The following RPS6KA3 variants were observed in gnomAD, a reference collection of about 807,000 sequenced individuals.
RPS6KA3 encodes ribosomal protein S6 kinase alpha-3.
RPS6KA3 carries 4 observed loss-of-function variants against 67.2 expected under a neutral mutation model. The observed-to-expected ratio is 0.06, with a 90% CI of 0.03 to 0.14. The LOEUF is 0.14. Ranked by LOEUF, RPS6KA3 falls within the 10% of genes least tolerant of loss-of-function variation. The pLI is 1.00. For synonymous variants in RPS6KA3, 182 were observed against 183.7 expected (o/e 0.99, Z 0.07); for missense variants, 204 against 559.0 (o/e 0.36, Z 6.40).
At chrX:20,238,362 T>C (rs1413378645) in intron 1 of RPS6KA3, among the ~76,000 whole-genome samples, 1 of 111,584 alleles carries the variant, frequency 9.0e-6, no homozygotes, top group Admixed American at 9.5e-5. Context: ...TCTGATTAAA[T>C]CCTTGTCTTG....
At chrX:20,179,516 C>A (rs746785534) in intron 10 of RPS6KA3, among the ~76,000 whole-genome samples, 1 of 111,038 alleles carries the variant, frequency 9.0e-6, no homozygotes, top group South Asian at 3.8e-4. Context: ...AAAATAATGA[C>A]TGCAATTGGC....
At position 20,156,090 on chromosome X, in the gene RPS6KA3, A is replaced by C; in HGVS notation, c.2100+19T>G. On this transcript the variant is annotated intron_variant, in intron 21 of 21. Transcript: ENST00000379565. Reference sequence around the variant, plus strand: ...CCTGGAGGACCTGTGGAAAACAGTGACTGTATGGGGCTGCTCACCTTTACT... The same window carrying C: ...CCTGGAGGACCTGTGGAAAACAGTGCCTGTATGGGGCTGCTCACCTTTACT... 1 of 1,209,209 alleles carries C rather than the reference A, an allele frequency of 8.3e-7. No individual in the cohort carries two copies. The highest frequency in any genetic ancestry group is 1.1e-6 in the Non-Finnish European group (1 of 893,675).
intron 1 of RPS6KA3, among the ~76,000 whole-genome samples, chrX:20,260,674 G>A (rs1422811970): frequency 1.8e-5 from 2 of 111,578 alleles, no homozygotes; most frequent in Admixed American, 1.9e-4. Flanking sequence ...TTCTTTAAGA[G>A]GGATGATTCA....
At chrX:20,183,333 A>G (rs1307355891) in intron 10 of RPS6KA3, among the ~76,000 whole-genome samples, 2 of 110,401 alleles carry the variant, frequency 1.8e-5, no homozygotes, top group African/African-American at 6.6e-5. Flanking sequence ...TCAGCCTCCC[A>G]AGTAGCTAGG....
chrX:20,186,492 G>C lies in RPS6KA3; in HGVS notation c.775-126C>G, dbSNP rs1373519813. 1.6e-4 allele frequency: 74 copies of C among 469,492 alleles called. 1 individual carries two copies. The Admixed American group carries it at 2.5e-3, about 16-fold the overall frequency. The allele number at this position is 469,492 out of a possible 1,213,427, so 38.7% of individuals were successfully genotyped here. A position where few individuals can be genotyped will look rare whatever the true frequency, so the allele number is the denominator to read the frequency against. ...ATATTCTAAAATTGCTACATAACAA[G>C]TGTTTTCTATTTCTACCATATTCGT... On this transcript the variant is annotated intron_variant, in intron 9 of 21. Coordinates refer to ENST00000379565, the MANE Select transcript of RPS6KA3 (RefSeq NM_004586.3).
chrX:20,222,025 T>C lies in RPS6KA3; in HGVS notation c.127-12621A>G, dbSNP rs975752085. On this transcript the variant is annotated intron_variant, in intron 2 of 21. Coordinates refer to ENST00000379565, the MANE Select transcript of RPS6KA3 (RefSeq NM_004586.3). ...GTCCATCTCTGTTTAAATATTATCT[T>C]CAACTGTGTTTGCCCACAATGGCTA... Among the ~76,000 whole-genome samples, 3 of 112,764 alleles carry C rather than the reference T, an allele frequency of 2.7e-5. No homozygotes were observed. In the Admixed American group the frequency reaches 2.8e-4, roughly 11 times the overall value.
intron 11 of RPS6KA3, 86 bp from the exon 12 acceptor site, chrX:20,176,584 A>C (rs757518902): frequency 3.7e-6 from 2 of 546,267 alleles, no homozygotes; most frequent in East Asian, 7.5e-5. Context: ...TTGTCTAATT[A>C]ATTAATTAAT....
chrX:20,169,018 A>G (rs2067508786), intron 16 of RPS6KA3, among the ~76,000 whole-genome samples: 1 of 111,263 alleles, frequency 9.0e-6, no homozygotes, highest in South Asian at 3.8e-4. Context: ...ATGTCAGGCT[A>G]ATTTTTAAAT....
At chrX:20,189,694 T>C (rs771390350) in intron 7 of RPS6KA3, among the ~76,000 whole-genome samples, 41 of 112,378 alleles carry the variant, frequency 3.6e-4, no homozygotes, top group Non-Finnish European at 7.1e-4. Flanking sequence ...AGGTATGGGA[T>C]CAAGCAATAA....
intron 2 of RPS6KA3, among the ~76,000 whole-genome samples, chrX:20,212,770 G>A (rs2068750087): frequency 9.0e-6 from 1 of 110,787 alleles, no homozygotes; most frequent in Non-Finnish European, 1.9e-5. Flanking sequence ...TCTCCCTTTG[G>A]TCCCTTCAGT....
At chrX:20,218,855 T>C (rs1482848394) in intron 2 of RPS6KA3, 1 of 1,194,368 alleles carries the variant, frequency 8.4e-7, no homozygotes, top group Non-Finnish European at 1.1e-6. Flanking sequence ...GAAACCATGA[T>C]GGTGATAAAA....
intron 1 of RPS6KA3, among the ~76,000 whole-genome samples, chrX:20,250,189 C>T (rs774497064): frequency 6.3e-5 from 7 of 110,875 alleles, no homozygotes; most frequent in Non-Finnish European, 5.7e-5. Flanking sequence ...TGGAAGGGTT[C>T]CTCCCATTTT....
At chrX:20,262,354 T>G (rs757015856) in intron 1 of RPS6KA3, among the ~76,000 whole-genome samples, 3 of 112,150 alleles carry the variant, frequency 2.7e-5, no homozygotes, top group Non-Finnish European at 5.6e-5. Flanking sequence ...ATTTAGCAAA[T>G]GTCAAGTCCT....
rs766266515 is a variant in RPS6KA3, at chrX:20,232,597, AAAAC to A, written c.126+2157_126+2160del. On this transcript the variant is annotated intron_variant, in intron 2 of 21. Coordinates refer to ENST00000379565, the MANE Select transcript of RPS6KA3 (RefSeq NM_004586.3). Reference sequence around the variant, plus strand: ...AAAAAACAAACAAACAAACAAACAAAAAACAAACAAACAAAAAACTTCCGTACAT... The same window carrying A: ...AAAAAACAAACAAACAAACAAACAAAAAACAAACAAAAAACTTCCGTACAT... 3.9e-3 allele frequency among the ~76,000 whole-genome samples: 439 copies of A among 111,318 alleles called. 10 individuals carry two copies. Among genetic ancestry groups the A allele is most frequent in the Admixed American group, 0.034 (352 of 10,504 alleles).
rs1227094794 is a variant in RPS6KA3 at position 20,153,986 on chromosome X, T to G, written c.*1412A>C. 8.9e-6 allele frequency: 1 copy of G among 112,415 alleles called. No individual in the cohort carries two copies. Among genetic ancestry groups the G allele is most frequent in the African/African-American group, 3.2e-5 (1 of 30,929 alleles). 9.3% of individuals were successfully genotyped at this position (112,415 alleles called of 1,213,427 possible). A position where few individuals can be genotyped will look rare whatever the true frequency, so the allele number is the denominator to read the frequency against. ...TTTCTTGCTCATATGTCTTTTACATTACATACTGATGTATGCTAGGCAGCT... is the reference window on the plus strand; with the variant it reads ...TTTCTTGCTCATATGTCTTTTACATGACATACTGATGTATGCTAGGCAGCT... On this transcript the variant is annotated 3_prime_UTR_variant, in exon 22 of 22. Transcript: ENST00000379565.
chrX:20,161,846 T>A, intron 19 of RPS6KA3, 85 bp from the exon 20 acceptor site: 1 of 250,637 alleles, frequency 4.0e-6, no homozygotes, highest in Non-Finnish European at 6.4e-6. Flanking sequence ...TCAGTTAATG[T>A]AATATTTTAT....
At chrX:20,245,264 G>A (rs993814844) in intron 1 of RPS6KA3, among the ~76,000 whole-genome samples, 1 of 111,840 alleles carries the variant, frequency 8.9e-6, no homozygotes, top group Non-Finnish European at 1.9e-5. Context: ...TTAGATTAAG[G>A]TTATTTAAAA....
chrX:20,225,987 A>G (rs770257618), intron 2 of RPS6KA3, among the ~76,000 whole-genome samples: 2 of 110,475 alleles, frequency 1.8e-5, no homozygotes, highest in Non-Finnish European at 3.8e-5. Context: ...GGAGTTTGAG[A>G]CCAGCCTGAC....
chrX:20,185,491 G>GC (rs1017924830), intron 10 of RPS6KA3, among the ~76,000 whole-genome samples: 2 of 110,608 alleles, frequency 1.8e-5, no homozygotes, highest in Middle Eastern at 4.7e-3. Flanking sequence ...TCCTGTCTTA[G>GC]CCCCCATCTG....
Sources: gnomAD v4.1 joint callset for allele counts (sites outside exome capture counted in the v4.1 genomes callset) on GRCh38, gnomAD v4.1.1 for gene constraint, MANE v1.5 for transcripts, NCBI Gene and HGNC (gene_info 2026-07-23, HGNC 2026-07-21) for gene names.